TMEM272: variants seen among roughly 807,000 people sequenced by gnomAD.
The protein encoded by TMEM272 is transmembrane protein 272.
A neutral mutation model predicts 3.7 loss-of-function variants in TMEM272; 8 were observed. The ratio of observed to expected loss-of-function variants is 2.17; its 90% CI spans 1.27 to 3.91. The LOEUF (loss-of-function observed/expected upper bound fraction) is 3.91. Ranked by LOEUF, TMEM272 falls within the 30% of genes most tolerant of loss-of-function variation. The pLI, the probability that TMEM272 is intolerant of heterozygous loss-of-function variation, is 0.00. For synonymous variants in TMEM272, 63 were observed against 39.8 expected, an observed-to-expected ratio of 1.58 and a Z score of -2.20; for missense variants, 166 against 91.5, an observed-to-expected ratio of 1.81 and a Z score of -3.32.
the TMEM272 span, chr13:51,909,487 T>G: frequency 8.5e-6 from 8 of 937,952 alleles, no homozygotes; most frequent in Non-Finnish European, 1.4e-5. Context: ...AACTTTCTGT[T>G]GAAGTTTCTG....
At chr13:51,834,396 T>A (rs1956198074) in intron 2 of TMEM272, among the ~76,000 whole-genome samples, 1 of 152,176 alleles carries the variant, frequency 6.6e-6, no homozygotes, top group Admixed American at 6.5e-5. Context: ...ACTCCCATAC[T>A]TGAATTCTCG....
At chr13:51,867,067 G>A in the TMEM272 span, among the ~76,000 whole-genome samples, 4 of 152,176 alleles carry the variant, frequency 2.6e-5, no homozygotes, top group Non-Finnish European at 5.9e-5. Flanking sequence ...GAGGGAGTAA[G>A]GGAGTAAGAA....
At position 51,817,010 on chromosome 13, in the gene TMEM272, G is replaced by T. The variant is rs763643952; in HGVS notation, c.305C>A (p.Ala102Glu). ...DDDEYPWRQN[A>E]HRYYIHLLLS... is the part of the protein sequence containing the mutation. ...CAGGAGGTGGATGTAGTATCTGTGC[G>T]CATTCTGCCTCCAGGGGTATTCGTC... The change falls in exon 5 of 5, where the codon GCG becomes GAG. Residue 102 changes from alanine (A) to glutamate (E), a missense_variant. By Grantham distance (107) the Ala-to-Glu change is moderately radical (BLOSUM62 -1). Transcript: ENST00000629372. The T allele has an allele frequency of 1.4e-6, 1 of 703,008 alleles. No homozygotes were observed. Among genetic ancestry groups the T allele is most frequent in the Non-Finnish European group, 2.6e-6 (1 of 385,002 alleles). 43.5% of individuals were successfully genotyped at this position (703,008 alleles called of 1,614,324 possible).
At chr13:51,852,608 G>A in the TMEM272 span, among the ~76,000 whole-genome samples, 24 of 152,236 alleles carry the variant, frequency 1.6e-4, no homozygotes, top group African/African-American at 3.9e-4. Context: ...GGCCGGGCGC[G>A]GTGGCTCAAG....
Position 51,816,927 on chromosome 13 carries a change from A to G in TMEM272, c.388T>C (p.Tyr130His). ...AAAGGGGGAAGAAAATCAGGCAGGT[A>G]CACAGAAAAGACCCAGTAGTTTCCC... is the stretch of plus-strand genomic sequence containing the variant. Reference protein sequence around the residue: ...ILGNYWVFSVYLPDFLPPFQQ... With the variant: ...ILGNYWVFSVHLPDFLPPFQQ... The change falls in exon 5 of 5, where the codon TAC (tyrosine) becomes CAC (histidine). Residue 130 changes from tyrosine (Y) to histidine (H), a missense_variant. By Grantham distance (83) the Tyr-to-His change is moderately conservative. Transcript: ENST00000629372. 1.4e-6 allele frequency: 1 copy of G among 703,070 alleles called. No individual in the cohort carries two copies. The highest frequency in any genetic ancestry group is 2.6e-6 in the Non-Finnish European group (1 of 385,002). 43.6% of individuals were successfully genotyped at this position (703,070 alleles called of 1,614,324 possible). A position where few individuals can be genotyped will look rare whatever the true frequency, so the allele number is the denominator to read the frequency against.
At chr13:51,925,641 C>T in the TMEM272 span, among the ~76,000 whole-genome samples, 5 of 152,108 alleles carry the variant, frequency 3.3e-5, no homozygotes, top group African/African-American at 1.2e-4. Flanking sequence ...TCCTTGGTAA[C>T]TCATGCCCCT....
At chr13:51,880,345 T>G in the TMEM272 span, among the ~76,000 whole-genome samples, 3 of 151,636 alleles carry the variant, frequency 2.0e-5, no homozygotes, top group Admixed American at 6.6e-5. Flanking sequence ...GAGGATCTAT[T>G]GAAATACTTG....
the TMEM272 span, among the ~76,000 whole-genome samples, chr13:51,862,799 T>C: frequency 5.2e-3 from 794 of 152,262 alleles, 9 homozygotes; most frequent in African/African-American, 0.018. Context: ...TTGGAGGGAT[T>C]CTAGGCAAAG....
the TMEM272 span, among the ~76,000 whole-genome samples, chr13:51,912,450 G>A: frequency 6.6e-6 from 1 of 152,200 alleles, no homozygotes; most frequent in Non-Finnish European, 1.5e-5. Flanking sequence ...ACATTCTCGG[G>A]AAACTGATCT....
At chr13:51,834,756 CT>C (rs2139576714) in intron 2 of TMEM272, among the ~76,000 whole-genome samples, 1 of 152,278 alleles carries the variant, frequency 6.6e-6, no homozygotes, top group East Asian at 1.9e-4. Flanking sequence ...TTGAAGGGGA[CT>C]TCCCAGGACC....
chr13:51,828,229 G>C (rs1391323689), intron 2 of TMEM272, among the ~76,000 whole-genome samples: 2 of 152,164 alleles, frequency 1.3e-5, no homozygotes, highest in African/African-American at 4.8e-5. Flanking sequence ...TATTTATACA[G>C]AGCCCACTGT....
chr13:51,897,652 C>T, the TMEM272 span, among the ~76,000 whole-genome samples: 4 of 151,986 alleles, frequency 2.6e-5, no homozygotes, highest in Non-Finnish European at 2.9e-5. Flanking sequence ...CAAGGCTGGG[C>T]GCAGTGGCTC....
chr13:51,876,408 C>G, the TMEM272 span, among the ~76,000 whole-genome samples: 54,745 of 152,038 alleles, frequency 0.36, 10,044 homozygotes, highest in East Asian at 0.45. Flanking sequence ...TTGAAAAGAA[C>G]CTTAACTGTG....
chr13:51,869,777 C>T, the TMEM272 span, among the ~76,000 whole-genome samples: 1 of 152,150 alleles, frequency 6.6e-6, no homozygotes, highest in Non-Finnish European at 1.5e-5. Flanking sequence ...TGTAAGCCAC[C>T]GCGCCTGGCC....
the TMEM272 span, among the ~76,000 whole-genome samples, chr13:51,900,807 C>A: frequency 6.6e-6 from 1 of 152,176 alleles, no homozygotes; most frequent in Non-Finnish European, 1.5e-5. Flanking sequence ...ATTACTGATA[C>A]ATGCTACAAC....
At chr13:51,821,318 G>A (rs1956076662) in intron 4 of TMEM272, among the ~76,000 whole-genome samples, 1 of 152,214 alleles carries the variant, frequency 6.6e-6, no homozygotes, top group South Asian at 2.1e-4. Flanking sequence ...GACAGAGGCT[G>A]ACCTAAGCTT....
chr13:51,843,154 G>A (rs1214971888), intron 1 of TMEM272, among the ~76,000 whole-genome samples: 1 of 152,106 alleles, frequency 6.6e-6, no homozygotes, highest in Non-Finnish European at 1.5e-5. Flanking sequence ...GTGATATTTT[G>A]CCAATTCTTT....
the TMEM272 span, among the ~76,000 whole-genome samples, chr13:51,895,635 T>C: frequency 4.6e-5 from 7 of 152,092 alleles, no homozygotes; most frequent in Admixed American, 3.9e-4. Flanking sequence ...TTCCTCATCT[T>C]CAACCTCCTG....
At chr13:51,876,094 T>C in the TMEM272 span, among the ~76,000 whole-genome samples, 7,778 of 152,274 alleles carry the variant, frequency 0.051, 467 homozygotes, top group African/African-American at 0.15. Context: ...CTCCAGTTTG[T>C]TCTTTGCAGC....
Sources: gnomAD v4.1 joint callset for allele counts (sites outside exome capture counted in the v4.1 genomes callset) on GRCh38, gnomAD v4.1.1 for gene constraint, MANE v1.5 for transcripts, NCBI Gene and HGNC (gene_info 2026-07-23, HGNC 2026-07-21) for gene names.